Variants in LRP1B observed in about 807,000 individuals in gnomAD.
LRP1B encodes low-density lipoprotein receptor-related protein 1B.
In LRP1B, 217 loss-of-function variants were observed where a neutral mutation model predicts 556.6. That is an observed-to-expected ratio of 0.39 (90% CI 0.35 to 0.44). The LOEUF (loss-of-function observed/expected upper bound fraction) is 0.44. Ranked by LOEUF, LRP1B falls within the 20% of genes least tolerant of loss-of-function variation. LRP1B has a pLI of 1.00. For missense variants in LRP1B, 5,053 were observed against 5,620.8 expected (o/e 0.90, Z 3.23); for synonymous variants, 2,047 against 1,865.8 (o/e 1.10, Z -2.50).
intron 23 of LRP1B, among the ~76,000 whole-genome samples, chr2:140,890,850 A>G (rs1693776380): frequency 6.6e-6 from 1 of 152,180 alleles, no homozygotes; most frequent in South Asian, 2.1e-4. Context: ...ACCTTGTAAA[A>G]AAGTATTTGG....
At chr2:140,501,001 A>C (rs2104888383) in intron 55 of LRP1B, among the ~76,000 whole-genome samples, 1 of 151,966 alleles carries the variant, frequency 6.6e-6, no homozygotes, top group Admixed American at 6.6e-5. Flanking sequence ...ACATTTACAA[A>C]ATTGATTTTA....
At chr2:140,315,363 G>A (rs1278965138) in intron 82 of LRP1B, among the ~76,000 whole-genome samples, 1 of 152,034 alleles carries the variant, frequency 6.6e-6, no homozygotes, top group Non-Finnish European at 1.5e-5. Context: ...GTAAAATACT[G>A]AATAGTAAAA....
chr2:141,552,129 T>C (rs1393433227), intron 2 of LRP1B, among the ~76,000 whole-genome samples: 1 of 152,062 alleles, frequency 6.6e-6, no homozygotes, highest in Non-Finnish European at 1.5e-5. Context: ...AGGATAGCTA[T>C]GTTCCTATCA....
chr2:141,391,868 G>T (rs539471477), intron 3 of LRP1B, among the ~76,000 whole-genome samples: 1 of 152,148 alleles, frequency 6.6e-6, no homozygotes, highest in African/African-American at 2.4e-5. Context: ...CTAGAGGCTG[G>T]TATCAGTATG....
At chr2:140,674,968 C>A (rs1685619238) in intron 41 of LRP1B, among the ~76,000 whole-genome samples, 1 of 152,198 alleles carries the variant, frequency 6.6e-6, no homozygotes, top group African/African-American at 2.4e-5. Context: ...GAGCTGCTTC[C>A]TTCTAGAGAC....
At chr2:140,918,705 T>A (rs1694652085) in intron 21 of LRP1B, among the ~76,000 whole-genome samples, 1 of 152,044 alleles carries the variant, frequency 6.6e-6, no homozygotes, top group African/African-American at 2.4e-5. Flanking sequence ...GAAATCCTAA[T>A]CCCCAGTGTG....
At chr2:140,323,376 TTTTGTATATA>T (rs1017118443) in intron 81 of LRP1B, among the ~76,000 whole-genome samples, 32 of 151,918 alleles carry the variant, frequency 2.1e-4, no homozygotes, top group African/African-American at 7.5e-4. Context: ...GAAGAGTTCT[TTTTGTATATA>T]TTTAAGAATG....
intron 2 of LRP1B, among the ~76,000 whole-genome samples, chr2:141,512,770 TA>T (rs34559448): frequency 2.1e-4 from 32 of 150,070 alleles, no homozygotes; most frequent in African/African-American, 5.9e-4. Flanking sequence ...CATCTTCAGT[TA>T]AAAAAAAAAT....
At chr2:140,271,670 C>T (rs1351035562) in intron 85 of LRP1B, among the ~76,000 whole-genome samples, 1 of 151,802 alleles carries the variant, frequency 6.6e-6, no homozygotes, top group African/African-American at 2.4e-5. Flanking sequence ...TAACTATGTA[C>T]AAGATGTGAA....
intron 3 of LRP1B, among the ~76,000 whole-genome samples, chr2:141,320,823 T>G (rs1687211243): frequency 6.6e-6 from 1 of 152,092 alleles, no homozygotes; most frequent in East Asian, 1.9e-4. Context: ...TCCTTCATTG[T>G]GTATTATTAA....
intron 7 of LRP1B, among the ~76,000 whole-genome samples, chr2:141,063,457 T>A (rs1425572180): frequency 6.6e-6 from 1 of 151,890 alleles, no homozygotes; most frequent in Non-Finnish European, 1.5e-5. Context: ...TTTCACCAAA[T>A]GTTCTTGAAA....
rs1229323191 is a variant in LRP1B, at chr2:140,541,787, G to A, written c.7379C>T (p.Thr2460Ile). 2 of 1,609,874 alleles carry A rather than the reference G, an allele frequency of 1.2e-6. No individual in the cohort carries two copies. The highest frequency in any genetic ancestry group is 1.7e-5 in the Admixed American group (1 of 59,866). ...TTTCTATTATAACTTACAGCTATTG[G>A]TGTCATTGGCAACAGCTATGATTCC... ...PMGIIAVAND[T>I]NSCELSPCAL... The change falls in exon 44 of 91, where the codon ACC (threonine) becomes ATC (isoleucine). Residue 2460 changes from threonine (T) to isoleucine (I), a missense_variant. Around this residue, in one of 5 missense-constraint regions of LRP1B, gnomAD observed 3,619 missense variants for 3,931.9 expected, o/e 0.92. Transcript: ENST00000389484.
chr2:141,856,381 G>A (rs1698051135), intron 1 of LRP1B, among the ~76,000 whole-genome samples: 1 of 152,102 alleles, frequency 6.6e-6, no homozygotes, highest in South Asian at 2.1e-4. Flanking sequence ...GCTTGTCTAA[G>A]CTATGCTAGA....
intron 1 of LRP1B, among the ~76,000 whole-genome samples, chr2:141,991,739 C>A (rs1702350895): frequency 6.6e-6 from 1 of 152,008 alleles, no homozygotes; most frequent in Non-Finnish European, 1.5e-5. Flanking sequence ...CAAACTCAGG[C>A]TGATTGACTG....
intron 2 of LRP1B, among the ~76,000 whole-genome samples, chr2:141,600,874 T>C (rs62166493): frequency 0.026 from 3,976 of 152,192 alleles, 99 homozygotes; most frequent in East Asian, 0.13. Flanking sequence ...GGAAGTGGTT[T>C]AGTTGGCATC....
chr2:140,504,598 C>T (rs1030019147), intron 53 of LRP1B, among the ~76,000 whole-genome samples: 7 of 152,154 alleles, frequency 4.6e-5, no homozygotes, highest in Admixed American at 2.0e-4. Context: ...ACCTCATATT[C>T]AAAAGATCCA....
rs538617157 is a variant in LRP1B, at chr2:141,891,392, T to A, written c.83-80991A>T. 5.3e-5 allele frequency among the ~76,000 whole-genome samples: 8 copies of A among 152,264 alleles called. No homozygotes were observed. The Middle Eastern group carries it at 0.01, about 194-fold the overall frequency. On this transcript the variant is annotated intron_variant, in intron 1 of 90. Transcript: ENST00000389484. ...TATCTAATAATTTACAAATACAGAA[T>A]GTCAACAGCATTCCCTTATCTCCAA...
chr2:140,353,915 T>C (rs576281762), intron 75 of LRP1B, among the ~76,000 whole-genome samples: 1 of 152,156 alleles, frequency 6.6e-6, no homozygotes, highest in East Asian at 1.9e-4. Context: ...TGATGTGAAT[T>C]AAGCAAGCAA....
intron 1 of LRP1B, among the ~76,000 whole-genome samples, chr2:141,906,961 T>C (rs1442556847): frequency 2.0e-5 from 3 of 152,030 alleles, no homozygotes; most frequent in Non-Finnish European, 2.9e-5. Context: ...ACATGCCACT[T>C]TGGCAAACTT....
Sources: gnomAD v4.1 joint callset for allele counts (sites outside exome capture counted in the v4.1 genomes callset) on GRCh38, gnomAD v4.1.1 for gene constraint, gnomAD v4.1.1 regional missense constraint, MANE v1.5 for transcripts, NCBI Gene and HGNC (gene_info 2026-07-23, HGNC 2026-07-21) for gene names.